CDKN2B-AS1: variants seen among roughly 807,000 people sequenced by gnomAD.
CDKN2B-AS1 encodes CDKN2B and CDKN2A antisense cis and trans regulatory RNA 1.
chr9:22,125,619 T>G (rs138473131), intron 4 of CDKN2B-AS1, among the ~76,000 whole-genome samples: 1 of 152,320 alleles, frequency 6.6e-6, no homozygotes, highest in African/African-American at 2.4e-5. Context: ...TGGACAAACT[T>G]TTTGGAAGAT....
intron 1 of CDKN2B-AS1, among the ~76,000 whole-genome samples, chr9:22,014,958 C>G (rs981153113): frequency 3.3e-5 from 5 of 152,042 alleles, no homozygotes; most frequent in African/African-American, 1.2e-4. Context: ...TTTATGACTG[C>G]ATAGTATTCC....
chr9:22,057,626 T>C (rs1208164283), intron 4 of CDKN2B-AS1, among the ~76,000 whole-genome samples: 3 of 151,928 alleles, frequency 2.0e-5, no homozygotes, highest in Non-Finnish European at 4.4e-5. Context: ...TTGGGCAACA[T>C]GGTGTAAACC....
chr9:22,091,110 C>T (rs1825067140), intron 4 of CDKN2B-AS1, among the ~76,000 whole-genome samples: 1 of 152,148 alleles, frequency 6.6e-6, no homozygotes, highest in African/African-American at 2.4e-5. Context: ...TTGTTTTTAT[C>T]AGGTTTGTCA....
At chr9:22,067,423 AGGATT>A (rs1275228417) in intron 4 of CDKN2B-AS1, among the ~76,000 whole-genome samples, 3 of 152,176 alleles carry the variant, frequency 2.0e-5, no homozygotes, top group Non-Finnish European at 4.4e-5. Flanking sequence ...GAACAAGAGC[AGGATT>A]GAGTCATGTA....
At chr9:22,120,983 G>A (rs1017206494) in intron 4 of CDKN2B-AS1, 2 of 152,116 alleles carry the variant, frequency 1.3e-5, no homozygotes, top group African/African-American at 2.4e-5. Context: ...AAGTTGCACC[G>A]CTGGTAATTG....
intron 4 of CDKN2B-AS1, among the ~76,000 whole-genome samples, chr9:22,111,817 A>C (rs1825812196): frequency 6.6e-6 from 1 of 152,212 alleles, no homozygotes; most frequent in Non-Finnish European, 1.5e-5. Context: ...GGCTGCTATA[A>C]TCAAGATAGC....
chr9:22,122,053 A>G (rs1034840812), intron 4 of CDKN2B-AS1, among the ~76,000 whole-genome samples: 5 of 119,346 alleles, frequency 4.2e-5, no homozygotes, highest in African/African-American at 1.4e-4. Flanking sequence ...CCCTGCCAGC[A>G]TTTGTTATTT....
chr9:22,094,641 C>T lies in CDKN2B-AS1; in HGVS notation n.439-32462C>T, dbSNP rs1040892508. Among the ~76,000 whole-genome samples the T allele has an allele frequency of 6.2e-5, 9 of 144,368 alleles. 2 individuals are homozygous for T. Among genetic ancestry groups the T allele is most frequent in the African/African-American group, 2.3e-4 (8 of 34,608 alleles). 94.7% of individuals were successfully genotyped at this position (144,368 alleles called of 152,430 possible). Reference sequence around the variant, plus strand: ...GCTTGTGCATTCGTCATGTAGTTCTCGTGCCTTGGTTTTCAGCTCCGTCAG... The same window carrying T: ...GCTTGTGCATTCGTCATGTAGTTCTTGTGCCTTGGTTTTCAGCTCCGTCAG... On this transcript the variant is annotated intron_variant and non_coding_transcript_variant, in intron 4 of 4. Transcript: ENST00000650946.
At chr9:22,012,865 T>A (rs1405696407) in intron 1 of CDKN2B-AS1, among the ~76,000 whole-genome samples, 1 of 152,218 alleles carries the variant, frequency 6.6e-6, no homozygotes, top group Non-Finnish European at 1.5e-5. Flanking sequence ...ATCCACAGTA[T>A]ATCCACTTCT....
intron 4 of CDKN2B-AS1, among the ~76,000 whole-genome samples, chr9:22,108,032 C>T (rs1587541699): frequency 1.3e-5 from 2 of 152,178 alleles, no homozygotes; most frequent in East Asian, 3.8e-4. Flanking sequence ...ACTATGTTTT[C>T]TTAAACTGAA....
Position 22,008,839 on chromosome 9 carries a change from C to G in CDKN2B-AS1, n.29+13678C>G. On this transcript the variant is annotated intron_variant and non_coding_transcript_variant, in intron 1 of 4. Coordinates refer to ENST00000650946, the Ensembl canonical transcript of CDKN2B-AS1. ...CCGAAACGGTTGACTCCGTTGGGAT[C>G]CGCGCCGGCTTCCAGGAGCTGTCGC... 5 of 1,609,236 alleles carry G rather than the reference C, an allele frequency of 3.1e-6. No homozygotes were observed. In the South Asian group the frequency reaches 4.4e-5, roughly 14 times the overall value.
At chr9:22,111,717 A>ATT (rs1398462881) in intron 4 of CDKN2B-AS1, among the ~76,000 whole-genome samples, 1 of 152,136 alleles carries the variant, frequency 6.6e-6, no homozygotes, top group Non-Finnish European at 1.5e-5. Context: ...AATGCATTTA[A>ATT]TTTCAGTGCC....
rs17834529 is a variant in CDKN2B-AS1 at position 22,127,778 on chromosome 9, C to G, written n.1114C>G. On this transcript the variant is annotated non_coding_transcript_exon_variant, in exon 5 of 5. Coordinates refer to ENST00000650946, the Ensembl canonical transcript of CDKN2B-AS1. ...GATGAGATGTTGAACCATGAAAACT[C>G]TAATTGTAGAACTCACTTCAGACTG... 1.5e-4 allele frequency among the ~76,000 whole-genome samples: 23 copies of G among 152,274 alleles called. No homozygotes were observed. In the East Asian group the frequency reaches 4.1e-3, roughly 27 times the overall value.
At chr9:22,103,271 C>G (rs1487363992) in intron 4 of CDKN2B-AS1, among the ~76,000 whole-genome samples, 1 of 151,844 alleles carries the variant, frequency 6.6e-6, no homozygotes, top group Admixed American at 6.6e-5. Flanking sequence ...ATTATCACCA[C>G]TGATATATAG....
At position 22,075,201 on chromosome 9, in the gene CDKN2B-AS1, A is replaced by G. The variant is rs113669614; in HGVS notation, n.438+18814A>G. On this transcript the variant is annotated intron_variant and non_coding_transcript_variant, in intron 4 of 4. Coordinates refer to ENST00000650946, the Ensembl canonical transcript of CDKN2B-AS1. ...GAGGTTTAGAAAGCACTGCAATGTT[A>G]TAGACTCTAGGCTAGCTCCCTGCCT... 2.0e-3 allele frequency among the ~76,000 whole-genome samples: 308 copies of G among 152,330 alleles called. 2 individuals are homozygous for G. Among genetic ancestry groups the G allele is most frequent in the Non-Finnish European group, 3.2e-3 (219 of 68,024 alleles).
intron 3 of CDKN2B-AS1, among the ~76,000 whole-genome samples, chr9:22,052,709 G>A (rs1421087721): frequency 6.6e-6 from 1 of 152,230 alleles, no homozygotes; most frequent in Non-Finnish European, 1.5e-5. Context: ...TGTTTATTCA[G>A]TCCAGAGCAA....
chr9:22,035,061 A>C (rs1014447909), intron 1 of CDKN2B-AS1, among the ~76,000 whole-genome samples: 3 of 152,184 alleles, frequency 2.0e-5, no homozygotes, highest in African/African-American at 4.8e-5. Flanking sequence ...TATGTAGCTA[A>C]ATATAGCAAA....
intron 4 of CDKN2B-AS1, among the ~76,000 whole-genome samples, chr9:22,101,045 T>TG (rs1825464217): frequency 1.3e-5 from 2 of 152,220 alleles, no homozygotes; most frequent in Non-Finnish European, 2.9e-5. Context: ...ATTTTTAACT[T>TG]TAATTTGACT....
At chr9:22,098,444 T>C (rs1825366478) in intron 4 of CDKN2B-AS1, among the ~76,000 whole-genome samples, 1 of 151,766 alleles carries the variant, frequency 6.6e-6, no homozygotes, top group Non-Finnish European at 1.5e-5. Flanking sequence ...ATCACCATGC[T>C]TTCTGAAACA....
Sources: allele counts gnomAD v4.1 joint callset (sites outside exome capture counted in the v4.1 genomes callset), GRCh38; gene constraint gnomAD v4.1.1; transcripts MANE v1.5; gene names NCBI Gene and HGNC (gene_info 2026-07-23, HGNC 2026-07-21).